MRNIP: variants seen among roughly 807,000 people sequenced by gnomAD.
MRNIP encodes MRN complex-interacting protein.
Under a neutral mutation model 29.8 loss-of-function variants are expected in MRNIP, and 30 were observed. The observed-to-expected ratio is 1.01, with a 90% CI of 0.75 to 1.36. MRNIP has a LOEUF of 1.36. Among genes scored for constraint, MRNIP ranks in the 40% most tolerant of loss-of-function variants. The pLI is 0.00. For missense variants in MRNIP, 459 were observed against 423.5 expected (o/e 1.08, Z -0.74); for synonymous variants, 201 against 164.1 (o/e 1.23, Z -1.72).
At chr5:179,857,562 C>A (rs1401999090) in intron 1 of MRNIP, among the ~76,000 whole-genome samples, 1 of 152,158 alleles carries the variant, frequency 6.6e-6, no homozygotes, top group East Asian at 1.9e-4. Context: ...TGCAAATGAT[C>A]TCCCTTTATT....
intron 2 of MRNIP, 50 bp downstream of exon 2, chr5:179,853,328 G>A: frequency 6.2e-7 from 1 of 1,605,354 alleles, no homozygotes; most frequent in Non-Finnish European, 8.5e-7. Context: ...TCCCTGGAAG[G>A]GCTCGCTGCA....
chr5:179,847,999 T>C lies in MRNIP; in HGVS notation c.194A>G (p.Gln65Arg). Reference protein sequence around the residue: ...HVQKLNLLQGQVSELPLRSLE... With the variant: ...HVQKLNLLQGRVSELPLRSLE... ...GTACCTGAGTGGCAGCTCTGAAACTTGTCCCTGTAGTAGATTTAACTTTTG... is the reference window on the plus strand; with the variant it reads ...GTACCTGAGTGGCAGCTCTGAAACTCGTCCCTGTAGTAGATTTAACTTTTG... Residue 65 changes from glutamine to arginine, a missense_variant, in exon 3 of 7, where the codon CAA (glutamine) becomes CGA (arginine). Physicochemically the swap from Gln to Arg is conservative, Grantham distance 43. Coordinates refer to ENST00000292586, the MANE Select transcript of MRNIP (RefSeq NM_016175.4). The C allele has an allele frequency of 3.1e-6, 5 of 1,612,624 alleles. No homozygotes were observed. The highest frequency in any genetic ancestry group is 3.4e-6 in the Non-Finnish European group (4 of 1,179,110).
intron 3 of MRNIP, chr5:179,847,544 C>T (rs1105369): frequency 0.097 from 15,202 of 157,068 alleles, 981 homozygotes; most frequent in Admixed American, 0.16. Context: ...GGGAGAATTG[C>T]TCAGGGTGTT....
intron 1 of MRNIP, among the ~76,000 whole-genome samples, chr5:179,856,205 CAAG>C (rs1273222974): frequency 1.3e-5 from 2 of 152,112 alleles, no homozygotes; most frequent in Non-Finnish European, 1.5e-5. Flanking sequence ...CGCACCCGGC[CAAG>C]AAAAGCCTTT....
chr5:179,847,065 T>C (rs932312001), intron 3 of MRNIP: 3 of 151,966 alleles, frequency 2.0e-5, no homozygotes, highest in Admixed American at 1.3e-4. Context: ...CAGTGGAGAG[T>C]TGTATACCAA....
At chr5:179,847,383 T>C (rs1759182117) in intron 3 of MRNIP, 2 of 152,458 alleles carry the variant, frequency 1.3e-5, no homozygotes, top group Admixed American at 1.3e-4. Flanking sequence ...CTGGCCAGGC[T>C]GGTCTCGAAC....
Position 179,847,691 on chromosome 5 carries a change from G to A in MRNIP, c.215+287C>T. 4 of 293,920 alleles carry A rather than the reference G, an allele frequency of 1.4e-5. 1 individual carries two copies. In the South Asian group the frequency reaches 1.8e-4, roughly 13 times the overall value. 18.2% of individuals were successfully genotyped at this position (293,920 alleles called of 1,614,324 possible). ...GCTGTGTCAAGAGCCTTCAGCTCTG[G>A]AGGCACAGAGCAATGGCCTGCCAGC... On this transcript the variant is annotated intron_variant, in intron 3 of 6. Transcript: ENST00000292586.
chr5:179,845,269 G>A (rs1031164539), intron 3 of MRNIP, among the ~76,000 whole-genome samples: 1 of 151,480 alleles, frequency 6.6e-6, no homozygotes, highest in African/African-American at 2.4e-5. Flanking sequence ...GCACAATCTT[G>A]GCTCACTGCA....
At chr5:179,857,099 TA>T (rs1759617150) in intron 1 of MRNIP, among the ~76,000 whole-genome samples, 1 of 151,394 alleles carries the variant, frequency 6.6e-6, no homozygotes. Flanking sequence ...AATAAATAAG[TA>T]AATAAATAAA....
chr5:179,853,149 G>T (rs1219965860), intron 2 of MRNIP: 1 of 1,318,624 alleles, frequency 7.6e-7, no homozygotes, highest in Non-Finnish European at 1.0e-6. Flanking sequence ...TTGGCACACA[G>T]AAAGTACTCA....
At chr5:179,842,910 G>A (rs1208246850) in intron 4 of MRNIP, among the ~76,000 whole-genome samples, 1 of 151,882 alleles carries the variant, frequency 6.6e-6, no homozygotes, top group Admixed American at 6.6e-5. Context: ...GTGCGTGCCT[G>A]TAATCCCAGC....
intron 3 of MRNIP, chr5:179,847,179 T>TTC (rs1759172361): frequency 6.9e-6 from 1 of 144,412 alleles, no homozygotes; most frequent in Admixed American, 6.9e-5. Flanking sequence ...TTTTTTTTTT[T>TTC]TTTTTTTTGA....
chr5:179,848,261 A>G (rs1582049746), intron 2 of MRNIP, among the ~76,000 whole-genome samples, 195 bp from the exon 3 acceptor site: 1 of 152,288 alleles, frequency 6.6e-6, no homozygotes, highest in East Asian at 1.9e-4. Flanking sequence ...TCCGGAACTA[A>G]TAGTTTACAT....
chr5:179,850,792 C>T (rs116840191), intron 2 of MRNIP, among the ~76,000 whole-genome samples: 2 of 152,312 alleles, frequency 1.3e-5, no homozygotes, highest in African/African-American at 2.4e-5. Context: ...TTCCAGTGTG[C>T]GTGTGGTCAG....
At chr5:179,843,066 G>GAA (rs1211369740) in intron 4 of MRNIP, among the ~76,000 whole-genome samples, 12 of 145,444 alleles carry the variant, frequency 8.3e-5, no homozygotes, top group East Asian at 6.3e-4. Flanking sequence ...AGGAAGGGAG[G>GAA]GAGGGAGGGA....
At chr5:179,852,973 CCT>C (rs1215938363) in intron 2 of MRNIP, among the ~76,000 whole-genome samples, 2 of 152,234 alleles carry the variant, frequency 1.3e-5, no homozygotes, top group Non-Finnish European at 2.9e-5. Context: ...TGCCCTGATT[CCT>C]CTGTCATCTT....
At chr5:179,849,948 G>C (rs964352838) in intron 2 of MRNIP, among the ~76,000 whole-genome samples, 9 of 150,226 alleles carry the variant, frequency 6.0e-5, no homozygotes, top group Admixed American at 2.7e-4. Context: ...CAGATGGTAC[G>C]GGATGGAATT....
chr5:179,858,667 C>T, intron 1 of MRNIP, 64 bp downstream of exon 1: 1 of 1,098,754 alleles, frequency 9.1e-7, no homozygotes, highest in Non-Finnish European at 1.3e-6. Context: ...CACCCACAGC[C>T]CCGCCACTCC....
intron 2 of MRNIP, 111 bp downstream of exon 2, chr5:179,853,267 C>A: frequency 6.3e-7 from 1 of 1,593,634 alleles, no homozygotes; most frequent in South Asian, 1.1e-5. Flanking sequence ...AGCTCCGTGT[C>A]TGGGGAACTC....
Sources: gnomAD v4.1 joint callset for allele counts (sites outside exome capture counted in the v4.1 genomes callset) on GRCh38, gnomAD v4.1.1 for gene constraint, MANE v1.5 for transcripts, NCBI Gene and HGNC (gene_info 2026-07-23, HGNC 2026-07-21) for gene names.